The following ADGRG6 variants were observed in gnomAD, a reference collection of about 807,000 sequenced individuals.
ADGRG6 encodes the protein G-protein coupled receptor 126.
Under a neutral mutation model 142.4 loss-of-function variants are expected in ADGRG6, and 84 were observed. The ratio of observed to expected loss-of-function variants is 0.59; its 90% CI spans 0.49 to 0.71. The LOEUF (loss-of-function observed/expected upper bound fraction) is 0.71, where lower values mean the gene tolerates loss of function less well. Among genes scored for constraint, ADGRG6 ranks in the 30% least tolerant of loss-of-function variants. ADGRG6 has a pLI of 0.00. For synonymous variants in ADGRG6, 521 were observed against 520.5 expected, an observed-to-expected ratio of 1.00 and a Z score of -0.01; for missense variants, 1,367 against 1,466.6, an observed-to-expected ratio of 0.93 and a Z score of 1.11.
chr6:142,441,965 G>A (rs1293289530), intron 24 of ADGRG6, among the ~76,000 whole-genome samples: 1 of 152,098 alleles, frequency 6.6e-6, no homozygotes, highest in East Asian at 1.9e-4. Context: ...CTTTAGTGTG[G>A]GTTGAGTATC....
chr6:142,367,506 T>C, intron 2 of ADGRG6, 63 bp from the exon 3 acceptor site: 1 of 1,147,884 alleles, frequency 8.7e-7, no homozygotes, highest in South Asian at 1.4e-5. Flanking sequence ...TGTGGTATTC[T>C]CGGTTTATTG....
intron 2 of ADGRG6, among the ~76,000 whole-genome samples, chr6:142,359,950 T>G (rs917449436): frequency 1.3e-5 from 2 of 152,118 alleles, no homozygotes; most frequent in African/African-American, 2.4e-5. Context: ...GGAAGATGAG[T>G]TAGTTGCAGG....
intron 22 of ADGRG6, among the ~76,000 whole-genome samples, chr6:142,425,860 G>A (rs1383831577): frequency 3.9e-5 from 6 of 152,102 alleles, no homozygotes; most frequent in East Asian, 1.9e-4. Flanking sequence ...TGTAGGTGGC[G>A]GTAGGCAAAG....
chr6:142,394,509 A>C (rs905880105), intron 9 of ADGRG6, among the ~76,000 whole-genome samples: 2 of 151,972 alleles, frequency 1.3e-5, no homozygotes, highest in African/African-American at 2.4e-5. Flanking sequence ...AAACAAAAAA[A>C]CCCTAAATTT....
intron 2 of ADGRG6, among the ~76,000 whole-genome samples, chr6:142,354,133 A>G (rs529268424): frequency 6.6e-6 from 1 of 152,334 alleles, no homozygotes; most frequent in South Asian, 2.1e-4. Context: ...GTAAGCAGAT[A>G]TTTAAAAATA....
intron 2 of ADGRG6, among the ~76,000 whole-genome samples, chr6:142,322,438 C>A (rs973918225): frequency 2.0e-5 from 3 of 151,880 alleles, no homozygotes; most frequent in South Asian, 2.1e-4. Flanking sequence ...AGGAAGAGAA[C>A]CCATTTCTGC....
In ADGRG6 at chr6:142,332,442, G is replaced by A. The variant is rs560583556; in HGVS notation, c.103+22798G>A. 6.0e-5 allele frequency among the ~76,000 whole-genome samples: 9 copies of A among 150,674 alleles called. No individual in the cohort carries two copies. The South Asian group carries it at 1.9e-3, about 32-fold the overall frequency. ...AAATTTCTGGCTTGAGACCTCAGTT[G>A]GCTCTCTGTTCTCCACTAAATTCGA... On this transcript the variant is annotated intron_variant, in intron 2 of 24. Transcript: ENST00000367609.
intron 14 of ADGRG6, among the ~76,000 whole-genome samples, chr6:142,404,531 C>T (rs984075778): frequency 6.6e-6 from 1 of 151,984 alleles, no homozygotes; most frequent in Non-Finnish European, 1.5e-5. Context: ...GTAATCCCAG[C>T]TATTCAGGAG....
intron 2 of ADGRG6, among the ~76,000 whole-genome samples, chr6:142,314,771 A>G (rs191697099): frequency 2.0e-5 from 3 of 152,296 alleles, no homozygotes; most frequent in Admixed American, 6.5e-5. Context: ...TCTTCTAAGT[A>G]TCTCAAAGAG....
intron 2 of ADGRG6, among the ~76,000 whole-genome samples, chr6:142,349,023 G>A (rs1290214417): frequency 6.6e-6 from 1 of 152,222 alleles, no homozygotes; most frequent in Non-Finnish European, 1.5e-5. Context: ...ACATTTTAAA[G>A]CATTAATGCT....
intron 2 of ADGRG6, among the ~76,000 whole-genome samples, chr6:142,351,499 A>G (rs1780173170): frequency 6.6e-6 from 1 of 152,226 alleles, no homozygotes; most frequent in Admixed American, 6.5e-5. Context: ...CTGGCTGGCC[A>G]TATGCAGAAG....
chr6:142,303,546 C>T (rs1777332151), intron 1 of ADGRG6, among the ~76,000 whole-genome samples: 1 of 152,164 alleles, frequency 6.6e-6, no homozygotes, highest in Non-Finnish European at 1.5e-5. Flanking sequence ...TTTAAAGTTT[C>T]ATTTATGCCA....
At chr6:142,390,447 G>GA (rs1298845940) in intron 7 of ADGRG6, 104 bp downstream of exon 7, 8 of 581,638 alleles carry the variant, frequency 1.4e-5, no homozygotes, top group Non-Finnish European at 2.2e-5. Context: ...AAACACAGAT[G>GA]GTATTCATTA....
At position 142,352,220 on chromosome 6, in the gene ADGRG6, C is replaced by T. The variant is rs117018399; in HGVS notation, c.104-15349C>T. On this transcript the variant is annotated intron_variant, in intron 2 of 24. Transcript: ENST00000367609. ...CAGAGACATGGAGTCAACCACGATG[C>T]CCATCAATGGTGGATTAGATAAAGA... Among the ~76,000 whole-genome samples, 798 of 152,212 alleles carry T rather than the reference C, an allele frequency of 5.2e-3. 4 individuals are homozygous for T. Among genetic ancestry groups the T allele is most frequent in the Non-Finnish European group, 8.2e-3 (555 of 68,004 alleles).
intron 7 of ADGRG6, 53 bp from the exon 8 acceptor site, chr6:142,392,895 G>T (rs1355988942): frequency 1.7e-6 from 2 of 1,176,102 alleles, no homozygotes; most frequent in East Asian, 2.3e-5. Context: ...ACTTGAATTA[G>T]ATATTTTTTA....
intron 22 of ADGRG6, among the ~76,000 whole-genome samples, chr6:142,433,149 T>C (rs909257689): frequency 6.6e-6 from 1 of 152,162 alleles, no homozygotes; most frequent in Non-Finnish European, 1.5e-5. Context: ...CAAGAACAAA[T>C]TCTGGAAATT....
chr6:142,440,384 C>A (rs1485207037), intron 24 of ADGRG6, among the ~76,000 whole-genome samples: 1 of 152,066 alleles, frequency 6.6e-6, no homozygotes, highest in East Asian at 1.9e-4. Context: ...GCAGCCTCTA[C>A]CTCCTGGGTT....
At chr6:142,343,755 A>G (rs1779768723) in intron 2 of ADGRG6, among the ~76,000 whole-genome samples, 1 of 151,972 alleles carries the variant, frequency 6.6e-6, no homozygotes, top group Non-Finnish European at 1.5e-5. Flanking sequence ...AATCCAAATC[A>G]AAAGCCAATT....
chr6:142,307,865 T>G (rs9399400), intron 1 of ADGRG6, among the ~76,000 whole-genome samples: 15,093 of 152,078 alleles, frequency 0.099, 1,604 homozygotes, highest in East Asian at 0.62. Context: ...AGAATTTCCA[T>G]CAGGAGAGCT....
Sources: allele counts gnomAD v4.1 joint callset (sites outside exome capture counted in the v4.1 genomes callset), GRCh38; gene constraint gnomAD v4.1.1; transcripts MANE v1.5; gene names NCBI Gene and HGNC (gene_info 2026-07-23, HGNC 2026-07-21).